Variants in GRM6 observed in about 807,000 individuals in gnomAD.
GRM6 encodes the protein metabotropic glutamate receptor 6.
GRM6 carries 73 observed loss-of-function variants against 78.4 expected under a neutral mutation model. That is an observed-to-expected ratio of 0.93 (90% CI 0.77 to 1.13). GRM6 has a LOEUF of 1.13. Ranked by LOEUF, GRM6 falls within the 50% of genes most tolerant of loss-of-function variation. The pLI is 0.00. For synonymous variants in GRM6, 580 were observed against 555.0 expected (o/e 1.05, Z -0.63); for missense variants, 1,251 against 1,256.4 (o/e 1.00, Z 0.07).
At position 178,990,755 on chromosome 5, in the gene GRM6, A is replaced by G. The variant is rs780043577; in HGVS notation, c.858-9T>C. 3 of 1,559,198 alleles carry G rather than the reference A, an allele frequency of 1.9e-6. No individual in the cohort carries two copies. Among genetic ancestry groups the G allele is most frequent in the Non-Finnish European group, 2.6e-6 (3 of 1,152,330 alleles). On this transcript the variant is annotated splice_polypyrimidine_tract_variant and intron_variant, in intron 4 of 10. Transcript: ENST00000517717. ...CTGCCTCCAGGACCCGCCTGGTAGG[A>G]GCAGGGCTGGGGTGAGGGAGGGCCT...
chr5:178,994,676 C>G lies in GRM6; in HGVS notation c.269G>C (p.Arg90Pro), dbSNP rs911049895. The G allele has an allele frequency of 6.8e-7, 1 of 1,468,202 alleles. No homozygotes were observed. The highest frequency in any genetic ancestry group is 1.5e-5 in the African/African-American group (1 of 68,094). 90.9% of individuals were successfully genotyped at this position (1,468,202 alleles called of 1,614,324 possible). ...GGTGTCCAGCAGCCGCGCGCCCAGG[C>G]GCACGCCGGGCAGCAGCTCGGGGTC... ...NADPELLPGV[R>P]LGARLLDTCS... The change falls in exon 2 of 11, where the codon CGC (arginine) becomes CCC (proline). Residue 90 changes from arginine (R) to proline (P), a missense_variant. Arg to Pro is a moderately radical substitution (Grantham distance 103). Coordinates refer to ENST00000517717, the MANE Select transcript of GRM6 (RefSeq NM_000843.4).
In GRM6 at chr5:178,986,102, C is replaced by A. The variant is rs759952013; in HGVS notation, c.2124+28G>T. ...CGTTGCGGACAGTCCCCCTCCCTGC[C>A]CTGGCCCTTGGGAGCCTACGGACCC... On this transcript the variant is annotated intron_variant, in intron 9 of 10. Coordinates refer to ENST00000517717, the MANE Select transcript of GRM6 (RefSeq NM_000843.4). The A allele has an allele frequency of 1.7e-5, 27 of 1,605,132 alleles. No homozygotes were observed. The East Asian group carries it at 5.8e-4, about 35-fold the overall frequency.
chr5:178,986,664 C>T lies in GRM6; in HGVS notation c.1590G>A (p.Met530Ile). Residue 530 changes from methionine (M) to isoleucine (I), a missense_variant, in exon 9 of 11, where the codon ATG (methionine) becomes ATA (isoleucine). Met to Ile is a conservative substitution (Grantham distance 10, BLOSUM62 1). Transcript: ENST00000517717. ...LPCGPGERKKMVKGVPCCWHC... is the reference protein window; with the variant it reads ...LPCGPGERKKIVKGVPCCWHC... Reference sequence around the variant, plus strand: ...GCCAACAGCAGGGGACGCCCTTCACCATCTTCTTCCGCTCCCCCGGCCCGC... The same window carrying T: ...GCCAACAGCAGGGGACGCCCTTCACTATCTTCTTCCGCTCCCCCGGCCCGC... 1 of 1,602,902 alleles carries T rather than the reference C, an allele frequency of 6.2e-7. No individual in the cohort carries two copies. Among genetic ancestry groups the T allele is most frequent in the Non-Finnish European group, 8.5e-7 (1 of 1,179,898 alleles).
chr5:178,986,093 C>T (rs567910502), intron 9 of GRM6, 37 bp downstream of exon 9: 5 of 1,591,854 alleles, frequency 3.1e-6, no homozygotes, highest in Non-Finnish European at 4.3e-6. Context: ...GGACAGTCCC[C>T]CTCCCTGCCC....
Position 178,994,635 on chromosome 5 carries a change from AGG to A in GRM6, c.308_309del (p.Thr103IlefsTer85), listed in dbSNP as rs1210404398. The A allele has an allele frequency of 6.9e-7, 1 of 1,458,538 alleles. No homozygotes were observed. Among genetic ancestry groups the A allele is most frequent in the Admixed American group, 2.3e-5 (1 of 42,860 alleles). 90.3% of individuals were successfully genotyped at this position (1,458,538 alleles called of 1,614,324 possible). On this transcript the variant is annotated frameshift_variant, in exon 2 of 11. Transcript: ENST00000517717. LOFTEE classifies it high-confidence loss of function. The stretch of plus-strand genomic sequence containing the variant: ...AAGCTCAGCGCCTGCTCCAGCGCGT[AGG>A]TGTCCCGCGAGCAGGTGTCCAGCAG... ...ARLLDTCSRDTYALEQALSFV... is the reference protein window; with the variant it reads ...ARLLDTCSRDXYALEQALSFV...
chr5:178,994,451 C>T lies in GRM6; in HGVS notation c.494G>A (p.Arg165His). Residue 165 changes from arginine (R) to histidine (H), a missense_variant, in exon 2 of 11, where the codon CGC (arginine) becomes CAC (histidine). Coordinates refer to ENST00000517717, the MANE Select transcript of GRM6 (RefSeq NM_000843.4). ...CCCCGCGGCCCTCACCGCAAACAGG[C>T]GCAGCACGTTGGCGACCATGATGGA... Reference protein sequence around the residue: ...SVSIMVANVLRLFAIPQISYA... With the variant: ...SVSIMVANVLHLFAIPQISYA... 1.3e-6 allele frequency: 2 copies of T among 1,489,244 alleles called. No individual in the cohort carries two copies. The highest frequency in any genetic ancestry group is 4.4e-5 in the Admixed American group (2 of 45,610). 92.3% of individuals were successfully genotyped at this position (1,489,244 alleles called of 1,614,324 possible). A position where few individuals can be genotyped will look rare whatever the true frequency, so the allele number is the denominator to read the frequency against.
intron 4 of GRM6, 136 bp from the exon 5 acceptor site, chr5:178,990,882 G>A (rs1037481901): frequency 3.6e-5 from 28 of 784,086 alleles, no homozygotes; most frequent in Admixed American, 2.0e-4. Flanking sequence ...AAACGGGGCC[G>A]GGGGCATTTA....
At position 178,986,929 on chromosome 5, in the gene GRM6, T is replaced by C; in HGVS notation, c.1409A>G (p.Tyr470Cys). ...GGTCGCCTGGTACTGGAAGATGTCGTACCGCCCGGGCGCATCTCCGTTCTC... is the reference window on the plus strand; with the variant it reads ...GGTCGCCTGGTACTGGAAGATGTCGCACCGCCCGGGCGCATCTCCGTTCTC... ...FNENGDAPGR[Y>C]DIFQYQATNG... The change falls in exon 8 of 11, where the codon TAC becomes TGC. Residue 470 changes from tyrosine to cysteine, a missense_variant. By Grantham distance (194) the Tyr-to-Cys change is radical (BLOSUM62 -2). Coordinates refer to ENST00000517717, the MANE Select transcript of GRM6 (RefSeq NM_000843.4). 6.2e-7 allele frequency: 1 copy of C among 1,614,120 alleles called. No individual in the cohort carries two copies. Among genetic ancestry groups the C allele is most frequent in the Non-Finnish European group, 8.5e-7 (1 of 1,180,002 alleles).
chr5:178,981,669 C>G lies in GRM6; in HGVS notation c.2622G>C (p.Glu874Asp), dbSNP rs753684359. The change falls in exon 11 of 11, where the codon GAG becomes GAC. Residue 874 changes from glutamate (E) to aspartate (D), a missense_variant. By Grantham distance (45) the Glu-to-Asp change is conservative (BLOSUM62 2). Transcript: ENST00000517717. The surrounding 1 kb of genome is among the most constrained non-coding windows in gnomAD (Gnocchi z 5.1). The stretch of plus-strand genomic sequence containing the variant: ...CCCACCTGCCCTGCTACTTGTGGGC[C>G]TCTGCATCCTCGCCCTTGGGTGGGG... ...VAAPPKGEDAEAHK is the reference protein window; with the variant it reads ...VAAPPKGEDADAHK The G allele has an allele frequency of 6.2e-7, 1 of 1,613,698 alleles. No individual in the cohort carries two copies. Among genetic ancestry groups the G allele is most frequent in the South Asian group, 1.1e-5 (1 of 91,046 alleles).
chr5:178,991,857 C>A lies in GRM6; in HGVS notation c.721+10G>T. 1 of 1,610,644 alleles carries A rather than the reference C, an allele frequency of 6.2e-7. No individual in the cohort carries two copies. The highest frequency in any genetic ancestry group is 8.5e-7 in the Non-Finnish European group (1 of 1,177,234). Reference sequence around the variant, plus strand: ...GTAGACTCCTTGGTGCCTCGGAGCCCCCAGCTCACCAGCCTCTCGGGAGAT... The same window carrying A: ...GTAGACTCCTTGGTGCCTCGGAGCCACCAGCTCACCAGCCTCTCGGGAGAT... On this transcript the variant is annotated intron_variant, in intron 3 of 10. Coordinates refer to ENST00000517717, the MANE Select transcript of GRM6 (RefSeq NM_000843.4). The surrounding 1 kb of genome is among the most constrained non-coding windows in gnomAD (Gnocchi z 5.0).
Position 178,992,129 on chromosome 5 carries a change from C to T in GRM6, c.505-46G>A. 1.5e-6 allele frequency: 2 copies of T among 1,379,264 alleles called. No homozygotes were observed. Among genetic ancestry groups the T allele is most frequent in the Non-Finnish European group, 2.1e-6 (2 of 972,174 alleles). 85.4% of individuals were successfully genotyped at this position (1,379,264 alleles called of 1,614,324 possible). ...CTGGGCTGTGGATGGAGGTCAGTAA[C>T]TCAAGAGAGGGAGGGTAAGGGGGGC... On this transcript the variant is annotated intron_variant, in intron 2 of 10. Transcript: ENST00000517717. The surrounding 1 kb of genome is among the most constrained non-coding windows in gnomAD (Gnocchi z 4.9).
chr5:178,986,429 G>T lies in GRM6; in HGVS notation c.1825C>A (p.Arg609=). 3.7e-6 allele frequency: 6 copies of T among 1,613,410 alleles called. No individual in the cohort carries two copies. The highest frequency in any genetic ancestry group is 2.2e-5 in the South Asian group (2 of 91,052). ...CGGACGATGGGCGTGTTGTTGTACC[G>T]CACGAAGGTGGCCACCACCGTGGTA... ...ATTTVVATFV[R]YNNTPIVRAS... The change falls in exon 9 of 11, where the codon CGG becomes AGG. Residue 609 remains arginine (R), a synonymous_variant. Transcript: ENST00000517717.
chr5:178,981,827 C>T lies in GRM6; in HGVS notation c.2464G>A (p.Val822Met), dbSNP rs751097143. The change falls in exon 11 of 11, where the codon GTG becomes ATG. Residue 822 changes from valine to methionine, a missense_variant. Val to Met is a conservative substitution (Grantham distance 21). Coordinates refer to ENST00000517717, the MANE Select transcript of GRM6 (RefSeq NM_000843.4). The surrounding 1 kb of genome is among the most constrained non-coding windows in gnomAD (Gnocchi z 5.1). ...ACCGAGGCACTCAGGCTCAAGGACA[C>T]GGTTAGCGTGGTTGTCTGGATGTAG... ...KIYIQTTTLT[V>M]SLSLSASVSL... is the part of the protein sequence containing the mutation. 2.9e-5 allele frequency: 47 copies of T among 1,612,630 alleles called. No individual in the cohort carries two copies. The highest frequency in any genetic ancestry group is 1.6e-4 in the Middle Eastern group (1 of 6,062).
chr5:178,984,111 A>G (rs1466814650), intron 9 of GRM6, among the ~76,000 whole-genome samples: 1 of 152,196 alleles, frequency 6.6e-6, no homozygotes, highest in African/African-American at 2.4e-5. Context: ...GTGGATCACG[A>G]GGTCAGGAGA....
chr5:178,989,364 G>T lies in GRM6; in HGVS notation c.1054C>A (p.Arg352Ser). 6.2e-7 allele frequency: 1 copy of T among 1,613,782 alleles called. No individual in the cohort carries two copies. The highest frequency in any genetic ancestry group is 8.5e-7 in the Non-Finnish European group (1 of 1,179,672). The part of the protein sequence containing the change: ...YFMTRSLENN[R>S]RNIWFAEFWE... ...AACTCGGCGAACCAGATGTTCCTGC[G>T]GTTGTTCTCCAGGGATCGAGTCATG... Residue 352 changes from arginine (R) to serine (S), a missense_variant, in exon 6 of 11, where the codon CGC becomes AGC. Transcript: ENST00000517717.
intron 9 of GRM6, chr5:178,985,504 C>A (rs570951625): frequency 3.8e-5 from 13 of 339,560 alleles, no homozygotes; most frequent in Admixed American, 2.4e-4. Flanking sequence ...GAGATCGAGA[C>A]CATCCTGGCT....
In GRM6 at chr5:178,994,495, G is replaced by A. The variant is rs1378902229; in HGVS notation, c.450C>T (p.Gly150=). 2.1e-6 allele frequency: 3 copies of A among 1,446,312 alleles called. No homozygotes were observed. The highest frequency in any genetic ancestry group is 2.6e-5 in the Admixed American group (1 of 38,354). The allele number at this position is 1,446,312 out of a possible 1,614,324, so 89.6% of individuals were successfully genotyped here. A position where few individuals can be genotyped will look rare whatever the true frequency, so the allele number is the denominator to read the frequency against. Residue 150 remains glycine (G), a synonymous_variant, in exon 2 of 11, where the codon GGC becomes GGT. Coordinates refer to ENST00000517717, the MANE Select transcript of GRM6 (RefSeq NM_000843.4). ...APPERVVAVV[G]ASASSVSIMV... The stretch of plus-strand genomic sequence containing the variant: ...TGATGGAGACGGAGCTGGCCGAGGC[G>A]CCCACGACGGCCACGACGCGCTCGG...
Position 178,979,738 on chromosome 5 carries a change from A to C in GRM6, c.*1919T>G, listed in dbSNP as rs1341123177. ...GGAAAAGTTTTCAGCTAGAAGCCAG[A>C]GCGCACTGCACACCAAAGAATTCAC... On this transcript the variant is annotated 3_prime_UTR_variant, in exon 11 of 11. Coordinates refer to ENST00000517717, the MANE Select transcript of GRM6 (RefSeq NM_000843.4). 1.3e-5 allele frequency: 2 copies of C among 152,406 alleles called. No individual in the cohort carries two copies. Among genetic ancestry groups the C allele is most frequent in the Admixed American group, 1.3e-4 (2 of 15,300 alleles). 9.4% of individuals were successfully genotyped at this position (152,406 alleles called of 1,614,324 possible).
At position 178,981,907 on chromosome 5, in the gene GRM6, C is replaced by G. The variant is rs115297481; in HGVS notation, c.2437-53G>C. ...GGACTCAGCCCTGCTCTCCCTGCCCCGCTCCACACAGTCCTCACCACATAC... is the reference window on the plus strand; with the variant it reads ...GGACTCAGCCCTGCTCTCCCTGCCCGGCTCCACACAGTCCTCACCACATAC... On this transcript the variant is annotated intron_variant, in intron 10 of 10. Coordinates refer to ENST00000517717, the MANE Select transcript of GRM6 (RefSeq NM_000843.4). This position sits in a 1 kb window ranked among gnomAD's most constrained non-coding sequence, Gnocchi z 5.1. 62 of 1,083,384 alleles carry G rather than the reference C, an allele frequency of 5.7e-5. No homozygotes were observed. Among genetic ancestry groups the G allele is most frequent in the Admixed American group, 5.1e-4 (30 of 59,350 alleles). The allele number at this position is 1,083,384 out of a possible 1,614,324, so 67.1% of individuals were successfully genotyped here.
Sources: allele counts gnomAD v4.1 joint callset (sites outside exome capture counted in the v4.1 genomes callset), GRCh38; gene constraint gnomAD v4.1.1; non-coding constraint Gnocchi (gnomAD v3.1); transcripts MANE v1.5; gene names NCBI Gene and HGNC (gene_info 2026-07-23, HGNC 2026-07-21).